Variants in P2RY8 observed in about 807,000 individuals in gnomAD.
P2RY8 encodes the protein P2Y receptor family member 8, also known as S-geranylgeranyl-glutathione receptor P2RY8.
P2RY8 carries 6 observed loss-of-function variants against 10.0 expected under a neutral mutation model. That is an observed-to-expected ratio of 0.60 (90% CI 0.33 to 1.19). The LOEUF is 1.19. P2RY8 is among the 50% of genes most tolerant of loss of function. The probability of loss-of-function intolerance (pLI) is 0.04; values close to 1 mark genes in which losing one functional copy is unlikely to be tolerated. For synonymous variants in P2RY8, 276 were observed against 252.5 expected (o/e 1.09, Z -0.88); for missense variants, 456 against 542.0 (o/e 0.84, Z 1.58).
At chrX:1,489,543 A>G (rs1251967099) in intron 1 of P2RY8, among the ~76,000 whole-genome samples, 1 of 152,216 alleles carries the variant, frequency 6.6e-6, no homozygotes, top group Non-Finnish European at 1.5e-5. Context: ...GACACCCAGG[A>G]TTCACTTCTG....
chrX:1,518,153 C>T (rs1378941283), intron 1 of P2RY8, among the ~76,000 whole-genome samples: 23 of 150,412 alleles, frequency 1.5e-4, no homozygotes, highest in Non-Finnish European at 2.4e-4. Context: ...TGGCCGGGCG[C>T]GGTGGCTCAC....
intron 1 of P2RY8, among the ~76,000 whole-genome samples, chrX:1,517,430 AC>A (rs1422955457): frequency 6.6e-6 from 1 of 150,680 alleles, no homozygotes; most frequent in African/African-American, 2.4e-5. Context: ...TCCCACAAAC[AC>A]CCCCAACCTT....
At chrX:1,532,361 ACACATATACGTATATGATGTGTGTATATG>A (rs1160114668) in intron 1 of P2RY8, among the ~76,000 whole-genome samples, 7 of 150,194 alleles carry the variant, frequency 4.7e-5, no homozygotes, top group South Asian at 2.1e-4. Context: ...GTGTATATAT[ACACATATACGTATATGATGTGTGTATATG>A]CACATATATG....
rs2092418922 is a variant in P2RY8 at position 1,524,528 on chromosome X, T to TCCA, written c.-25+12392_-25+12393insTGG. 8.8e-5 allele frequency among the ~76,000 whole-genome samples: 12 copies of TCCA among 136,492 alleles called. 1 individual carries two copies. Among genetic ancestry groups the TCCA allele is most frequent in the African/African-American group, 2.0e-4 (7 of 35,406 alleles). The allele number at this position is 136,492 out of a possible 152,430, so 89.5% of individuals were successfully genotyped here. On this transcript the variant is annotated intron_variant, in intron 1 of 1. Coordinates refer to ENST00000381297, the MANE Select transcript of P2RY8 (RefSeq NM_178129.5). ...ATCCATCCATCCATCCATCCATCCA[T>TCCA]TCATCCATCCATCCATCCATCCATG...
At chrX:1,500,152 C>T (rs2092163182) in intron 1 of P2RY8, among the ~76,000 whole-genome samples, 1 of 151,932 alleles carries the variant, frequency 6.6e-6, no homozygotes, top group East Asian at 1.9e-4. Context: ...GCCACCGCGC[C>T]CGGCCTGTTG....
chrX:1,504,056 G>A (rs1252708058), intron 1 of P2RY8, among the ~76,000 whole-genome samples: 3 of 151,060 alleles, frequency 2.0e-5, no homozygotes, highest in Non-Finnish European at 4.4e-5. Context: ...GGTGGCTCAC[G>A]CCTGTAATCC....
At chrX:1,481,493 TTTAAGGGATCCCAGCTTTGGGC>T (rs1355958962) in intron 1 of P2RY8, among the ~76,000 whole-genome samples, 2 of 152,064 alleles carry the variant, frequency 1.3e-5, no homozygotes, top group Non-Finnish European at 2.9e-5. Context: ...AAGCTTTGGG[TTTAAGGGATCCCAGCTTTGGGC>T]TTAAGGGATC....
Position 1,509,796 on chromosome X carries a change from CCTATCTAT to C in P2RY8, c.-25+27117_-25+27124del, listed in dbSNP as rs1170051824. Reference sequence around the variant, plus strand: ...ATCTATCTATCATCTATGTATCCATCCTATCTATCTATCTATCTATCTATCTATCTATC... The same window carrying C: ...ATCTATCTATCATCTATGTATCCATCCTATCTATCTATCTATCTATCTATC... On this transcript the variant is annotated intron_variant, in intron 1 of 1. Transcript: ENST00000381297. 2.6e-3 allele frequency among the ~76,000 whole-genome samples: 275 copies of C among 105,110 alleles called. 3 individuals are homozygous for C. Among genetic ancestry groups the C allele is most frequent in the South Asian group, 2.8e-3 (9 of 3,214 alleles). 69.0% of individuals were successfully genotyped at this position (105,110 alleles called of 152,430 possible).
chrX:1,530,149 GTATGTATGATCTATCTATCTATC>G (rs1224203247), intron 1 of P2RY8, among the ~76,000 whole-genome samples: 5,576 of 132,022 alleles, frequency 0.042, 188 homozygotes, highest in African/African-American at 0.088. Flanking sequence ...ATGTATGTAT[GTATGTATGATCTATCTATCTATC>G]TATCTATCTA....
At chrX:1,496,477 C>T (rs1459417300) in intron 1 of P2RY8, among the ~76,000 whole-genome samples, 9 of 152,126 alleles carry the variant, frequency 5.9e-5, no homozygotes, top group African/African-American at 2.2e-4. Context: ...GGGTTTCTCT[C>T]TCTCTCCGCT....
intron 1 of P2RY8, among the ~76,000 whole-genome samples, chrX:1,512,345 G>A (rs2092304249): frequency 6.6e-6 from 1 of 151,974 alleles, no homozygotes; most frequent in Non-Finnish European, 1.5e-5. Flanking sequence ...TCAGGCGTTT[G>A]AGACCATCCT....
Position 1,465,357 on chromosome X carries a change from G to A in P2RY8, c.*122C>T. 1.4e-6 allele frequency: 2 copies of A among 1,458,620 alleles called. No individual in the cohort carries two copies. Among genetic ancestry groups the A allele is most frequent in the Admixed American group, 2.3e-5 (1 of 42,994 alleles). The allele number at this position is 1,458,620 out of a possible 1,614,324, so 90.4% of individuals were successfully genotyped here. A position where few individuals can be genotyped will look rare whatever the true frequency, so the allele number is the denominator to read the frequency against. ...AAAGCCTGGAGACCCTTCCCCACCG[G>A]GCCTCTGCAGTGCCTGGGAGCAACG... On this transcript the variant is annotated 3_prime_UTR_variant, in exon 2 of 2. Transcript: ENST00000381297.
intron 1 of P2RY8, among the ~76,000 whole-genome samples, chrX:1,529,058 G>T (rs1192656195): frequency 6.6e-6 from 1 of 152,106 alleles, no homozygotes; most frequent in Non-Finnish European, 1.5e-5. Context: ...CCAGCATTTA[G>T]TCCTCGGGCA....
At chrX:1,533,118 C>A (rs2092492769) in intron 1 of P2RY8, among the ~76,000 whole-genome samples, 1 of 150,328 alleles carries the variant, frequency 6.7e-6, no homozygotes, top group East Asian at 1.9e-4. Context: ...GATAAAAGGC[C>A]ACAAACCGGG....
chrX:1,506,678 CTTTCT>C (rs1211244991), intron 1 of P2RY8, among the ~76,000 whole-genome samples: 11 of 140,824 alleles, frequency 7.8e-5, no homozygotes, highest in Admixed American at 6.6e-4. Context: ...CACTTTCTTT[CTTTCT>C]TTTTTTTTTT....
chrX:1,500,750 G>A (rs55721800), intron 1 of P2RY8, among the ~76,000 whole-genome samples: 1,833 of 152,062 alleles, frequency 0.012, 39 homozygotes, highest in African/African-American at 0.042. Flanking sequence ...GCCCGGCCAC[G>A]TTAATTCTTT....
chrX:1,506,815 T>C (rs5989776), intron 1 of P2RY8, among the ~76,000 whole-genome samples: 97,647 of 151,314 alleles, frequency 0.65, 32,961 homozygotes, highest in Non-Finnish European at 0.74. Context: ...GTACCTGGGA[T>C]TACAGGCACC....
rs184986080 is a variant in P2RY8 at position 1,482,281 on chromosome X, A to G, written c.-24-15699T>C. ...GTGGAATTAAGCTAATTAACATGAA[A>G]TGCCATTTGGTGAAAAAAAAAAAAA... On this transcript the variant is annotated intron_variant, in intron 1 of 1. Transcript: ENST00000381297. Among the ~76,000 whole-genome samples the G allele has an allele frequency of 3.4e-5, 5 of 145,236 alleles. No homozygotes were observed. In the East Asian group the frequency reaches 9.8e-4, roughly 29 times the overall value.
intron 1 of P2RY8, among the ~76,000 whole-genome samples, chrX:1,486,868 C>T (rs1403489176): frequency 6.6e-6 from 1 of 152,228 alleles, no homozygotes; most frequent in Non-Finnish European, 1.5e-5. Context: ...CCTGCAGTCT[C>T]AGTGCTCCCC....
Sources: gnomAD v4.1 joint callset for allele counts (sites outside exome capture counted in the v4.1 genomes callset) on GRCh38, gnomAD v4.1.1 for gene constraint, MANE v1.5 for transcripts, NCBI Gene and HGNC (gene_info 2026-07-23, HGNC 2026-07-21) for gene names.